Variants in AMZ1 observed in about 807,000 individuals in gnomAD.
AMZ1 encodes the protein archaemetzincin-1.
A neutral mutation model predicts 29.9 loss-of-function variants in AMZ1; 39 were observed. The ratio of observed to expected loss-of-function variants is 1.30; its 90% CI spans 1.01 to 1.70. The LOEUF (loss-of-function observed/expected upper bound fraction) is 1.70. AMZ1 is among the 40% of genes most tolerant of loss of function. AMZ1 has a pLI of 0.00. For missense variants in AMZ1, 1,041 were observed against 680.6 expected, an observed-to-expected ratio of 1.53 and a Z score of -5.89; for synonymous variants, 458 against 304.0, an observed-to-expected ratio of 1.51 and a Z score of -5.27.
chr7:2,694,352 G>A (rs1787580363), intron 1 of AMZ1, among the ~76,000 whole-genome samples: 1 of 152,232 alleles, frequency 6.6e-6, no homozygotes. Context: ...CTTCGGACAT[G>A]AGCTGAGTTT....
chr7:2,736,573 G>C (rs1017069674), intron 4 of AMZ1, among the ~76,000 whole-genome samples: 2 of 152,144 alleles, frequency 1.3e-5, no homozygotes, highest in Non-Finnish European at 1.5e-5. Flanking sequence ...TTGATATGGG[G>C]CCTGTGCACC....
chr7:2,724,958 T>A (rs892423700), intron 4 of AMZ1, among the ~76,000 whole-genome samples: 14 of 150,682 alleles, frequency 9.3e-5, no homozygotes, highest in African/African-American at 3.1e-4. Flanking sequence ...GGTGGTCTGC[T>A]TTTCTGCGCA....
rs781448993 is a variant in AMZ1, at chr7:2,700,448, C to A, written c.-4C>A. 1 of 1,595,308 alleles carries A rather than the reference C, an allele frequency of 6.3e-7. No homozygotes were observed. Among genetic ancestry groups the A allele is most frequent in the Non-Finnish European group, 8.5e-7 (1 of 1,176,302 alleles). On this transcript the variant is annotated 5_prime_UTR_variant, in exon 2 of 7. Transcript: ENST00000683327. The stretch of plus-strand genomic sequence containing the variant: ...CAGGAGTGGCCAGGCCCTGCCCGCC[C>A]ACCATGCTGCAGTGTAGACCCGCAC...
At chr7:2,727,495 C>T (rs1255841059) in intron 4 of AMZ1, among the ~76,000 whole-genome samples, 1 of 152,128 alleles carries the variant, frequency 6.6e-6, no homozygotes, top group Non-Finnish European at 1.5e-5. Context: ...TCTGCCTCAG[C>T]CTCCCAAGTA....
intron 1 of AMZ1, among the ~76,000 whole-genome samples, chr7:2,680,847 C>T (rs145135327): frequency 1.8e-3 from 273 of 152,360 alleles, no homozygotes; most frequent in Non-Finnish European, 1.3e-3. Context: ...TGGTCAAGCC[C>T]GGGGCCAGGC....
chr7:2,742,532 G>A (rs1790561171), intron 4 of AMZ1, among the ~76,000 whole-genome samples: 1 of 152,086 alleles, frequency 6.6e-6, no homozygotes, highest in Admixed American at 6.6e-5. Context: ...ATTTTCCAGG[G>A]GCTGTAATTC....
chr7:2,725,672 A>G (rs1285455588), intron 4 of AMZ1, among the ~76,000 whole-genome samples: 2 of 152,200 alleles, frequency 1.3e-5, no homozygotes, highest in African/African-American at 4.8e-5. Flanking sequence ...CCCAGAGCTC[A>G]GTTACCCCCG....
intron 6 of AMZ1, among the ~76,000 whole-genome samples, chr7:2,711,310 C>G (rs1184524156): frequency 6.6e-6 from 1 of 152,214 alleles, no homozygotes; most frequent in African/African-American, 2.4e-5. Context: ...CAGAAAAGGT[C>G]ACTGCTGTCC....
At chr7:2,740,916 G>C (rs959797286) in intron 4 of AMZ1, among the ~76,000 whole-genome samples, 1 of 152,138 alleles carries the variant, frequency 6.6e-6, no homozygotes, top group Non-Finnish European at 1.5e-5. Context: ...GTGGTGGCAG[G>C]TGCCTGTAGT....
intron 4 of AMZ1, among the ~76,000 whole-genome samples, chr7:2,742,197 T>C: frequency 6.6e-6 from 1 of 151,896 alleles, no homozygotes; most frequent in Non-Finnish European, 1.5e-5. Context: ...AATTTTTGTA[T>C]TTTTACTACA....
rs145290282 is a variant in AMZ1 at position 2,757,832 on chromosome 7, CAT to C, written n.551-6879_551-6878del. ...TGAACGCTTGCTGAGTCAATGAAGA[CAT>C]GTGTTTTTTCAAACCTGACTTTTTA... On this transcript the variant is annotated intron_variant and non_coding_transcript_variant, in intron 4 of 4. Transcript: ENST00000489665. Among the ~76,000 whole-genome samples, 1,412 of 152,274 alleles carry C rather than the reference CAT, an allele frequency of 9.3e-3. 15 individuals are homozygous for C. The highest frequency in any genetic ancestry group is 0.032 in the African/African-American group (1,328 of 41,542).
In AMZ1 at chr7:2,731,547, G is replaced by A. The variant is rs1789896405; in HGVS notation, n.550+21731G>A. 5 of 1,611,338 alleles carry A rather than the reference G, an allele frequency of 3.1e-6. No homozygotes were observed. Among genetic ancestry groups the A allele is most frequent in the Non-Finnish European group, 4.2e-6 (5 of 1,177,980 alleles). On this transcript the variant is annotated intron_variant and non_coding_transcript_variant, in intron 4 of 4. Coordinates refer to the AMZ1 transcript ENST00000489665. The surrounding 1 kb of genome is among the most constrained non-coding windows in gnomAD (Gnocchi z 6.0). ...GGTTGGTGCGCCTGTCCTCCATGAGGACCTGGTCGTACTCGCTGGAGGAGA... is the reference window on the plus strand; with the variant it reads ...GGTTGGTGCGCCTGTCCTCCATGAGAACCTGGTCGTACTCGCTGGAGGAGA...
At chr7:2,721,757 AG>A (rs1456117344), downstream of AMZ1, among the ~76,000 whole-genome samples, 1 of 151,340 alleles carries the variant, frequency 6.6e-6, no homozygotes, top group Admixed American at 6.6e-5. Flanking sequence ...TGCCACACTC[AG>A]GGGCCCCCCA....
intron 2 of AMZ1, among the ~76,000 whole-genome samples, chr7:2,701,387 G>A (rs1724889): frequency 0.22 from 32,797 of 152,034 alleles, 3,860 homozygotes; most frequent in Admixed American, 0.27. Flanking sequence ...ATTTGACCCT[G>A]GGGCTGGGGT....
downstream of AMZ1, among the ~76,000 whole-genome samples, chr7:2,720,255 G>A (rs1789361686): frequency 6.6e-6 from 1 of 152,182 alleles, no homozygotes; most frequent in Non-Finnish European, 1.5e-5. Flanking sequence ...ACTGCTGGAG[G>A]CTTTTAAAAC....
rs370063647 is a variant in AMZ1, at chr7:2,700,573, G to T, written c.122G>T (p.Arg41Leu). The T allele has an allele frequency of 8.1e-6, 13 of 1,610,150 alleles. No homozygotes were observed. In the Middle Eastern group the frequency reaches 1.2e-3, roughly 143 times the overall value. Residue 41 changes from arginine (R) to leucine (L), a missense_variant, in exon 2 of 7, where the codon CGG becomes CTG. By Grantham distance (102) the Arg-to-Leu change is moderately radical. Transcript: ENST00000683327. ...LYVSAFSPAE[R>L]LFLAEAYNPQ... ...GTGTCCGCCTTCTCCCCTGCCGAGC[G>T]GCTCTTCCTGGCCGAGGCCTACAAC...
intron 4 of AMZ1, among the ~76,000 whole-genome samples, chr7:2,743,993 G>C (rs1790639330): frequency 6.6e-6 from 1 of 152,208 alleles, no homozygotes; most frequent in South Asian, 2.1e-4. Flanking sequence ...CCATTGCCGA[G>C]ACTTGATTAG....
chr7:2,718,602 T>C lies in AMZ1; in HGVS notation c.*5724T>C, dbSNP rs890224824. Among the ~76,000 whole-genome samples the C allele has an allele frequency of 6.6e-6, 1 of 152,218 alleles. No homozygotes were observed. Among genetic ancestry groups the C allele is most frequent in the African/African-American group, 2.4e-5 (1 of 41,464 alleles). ...CTCCCGGGGGCAGTGTGGGGTCCAG[T>C]CTGAAGCCGACGCCCCTCTCGGTCA... On this transcript the variant is annotated 3_prime_UTR_variant, in exon 7 of 7. Transcript: ENST00000683327.
Position 2,718,771 on chromosome 7 carries a change from G to T in AMZ1, c.*5893G>T, listed in dbSNP as rs1014164951. ...GTCAGGGAGAAGCGGGCAGGCCAGG[G>T]CCGAGCTGCGTCCGGCTCTCAGGGA... On this transcript the variant is annotated 3_prime_UTR_variant, in exon 7 of 7. Transcript: ENST00000683327. Among the ~76,000 whole-genome samples the T allele has an allele frequency of 1.3e-5, 2 of 152,206 alleles. No individual in the cohort carries two copies. Among genetic ancestry groups the T allele is most frequent in the Non-Finnish European group, 2.9e-5 (2 of 68,044 alleles).
Sources: gnomAD v4.1 joint callset for allele counts (sites outside exome capture counted in the v4.1 genomes callset) on GRCh38, gnomAD v4.1.1 for gene constraint, Gnocchi (gnomAD v3.1) non-coding constraint, MANE v1.5 for transcripts, NCBI Gene and HGNC (gene_info 2026-07-23, HGNC 2026-07-21) for gene names.